Variants in B9D1 observed in about 807,000 individuals in gnomAD.
B9D1 encodes B9 domain containing 1.
A neutral mutation model predicts 26.1 loss-of-function variants in B9D1; 20 were observed. The observed-to-expected ratio is 0.77, with a 90% CI of 0.54 to 1.12. The LOEUF is 1.12. Among genes scored for constraint, B9D1 ranks in the 50% most tolerant of loss-of-function variants. B9D1 has a pLI of 0.00. For synonymous variants in B9D1, 105 were observed against 103.1 expected, an observed-to-expected ratio of 1.02 and a Z score of -0.11; for missense variants, 260 against 273.7, an observed-to-expected ratio of 0.95 and a Z score of 0.35.
At position 19,347,165 on chromosome 17, in the gene B9D1, C is replaced by T; in HGVS notation, c.404+104G>A. ...TATTTGTCCTCAGTGGGTGGAGCAG[C>T]TTGCAGATCTGAGGAGGCGACCAGG... On this transcript the variant is annotated intron_variant, in intron 5 of 6. Coordinates refer to ENST00000261499, the MANE Select transcript of B9D1 (RefSeq NM_015681.6). This position sits in a 1 kb window ranked among gnomAD's most constrained non-coding sequence, Gnocchi z 4.3. 1 of 1,613,074 alleles carries T rather than the reference C, an allele frequency of 6.2e-7. No individual in the cohort carries two copies. The highest frequency in any genetic ancestry group is 8.5e-7 in the Non-Finnish European group (1 of 1,179,438).
chr17:19,338,219 A>G (rs1051602213), downstream of B9D1, among the ~76,000 whole-genome samples: 2 of 152,262 alleles, frequency 1.3e-5, no homozygotes, highest in Admixed American at 6.5e-5. Flanking sequence ...GCTGCCGCAC[A>G]GACTGAGGTC....
At chr17:19,337,008 C>T (rs1013279743), downstream of B9D1, among the ~76,000 whole-genome samples, 2 of 152,210 alleles carry the variant, frequency 1.3e-5, no homozygotes, top group African/African-American at 4.8e-5. Context: ...TTAATGCGGC[C>T]TTGTCACTGG....
intron 1 of B9D1, among the ~76,000 whole-genome samples, chr17:19,368,577 A>G (rs996559956): frequency 1.3e-5 from 2 of 152,188 alleles, no homozygotes; most frequent in African/African-American, 4.8e-5. Flanking sequence ...ACATGATTGG[A>G]GTCCAGTTTA....
At chr17:19,362,761 G>A (rs962392142), upstream of B9D1, 7 of 1,492,202 alleles carry the variant, frequency 4.7e-6, no homozygotes, top group Admixed American at 2.0e-5. Context: ...AAGGGGGCGG[G>A]GCACAAGGGG....
intron 1 of B9D1, among the ~76,000 whole-genome samples, chr17:19,361,273 A>G (rs1045778403): frequency 1.2e-4 from 19 of 152,164 alleles, no homozygotes; most frequent in African/African-American, 3.9e-4. Flanking sequence ...CAATAAATGT[A>G]ATGTCCCCAA....
rs1598102733 is a variant in B9D1 at position 19,370,975 on chromosome 17, A to G, written c.-298+6884T>C. Among the ~76,000 whole-genome samples the G allele has an allele frequency of 6.6e-6, 1 of 152,260 alleles. No homozygotes were observed. Among genetic ancestry groups the G allele is most frequent in the South Asian group, 2.1e-4 (1 of 4,828 alleles). ...AAGCCCAGCCTGCCCATCAAGCCCC[A>G]CTGCTTTCCACTGCTTTGGTGCCTT... On this transcript the variant is annotated intron_variant, in intron 1 of 5. Coordinates refer to the B9D1 transcript ENST00000477478. This position sits in a 1 kb window ranked among gnomAD's most constrained non-coding sequence, Gnocchi z 5.1.
downstream of B9D1, among the ~76,000 whole-genome samples, chr17:19,337,356 C>T (rs530546286): frequency 1.1e-4 from 17 of 152,258 alleles, no homozygotes; most frequent in South Asian, 2.1e-4. Context: ...GCTCTGGTCA[C>T]GGGAAGAGGC....
rs1384447501 is a variant in B9D1 at position 19,372,559 on chromosome 17, C to T, written c.-298+5300G>A. Among the ~76,000 whole-genome samples, 7 of 152,174 alleles carry T rather than the reference C, an allele frequency of 4.6e-5. No homozygotes were observed. The highest frequency in any genetic ancestry group is 6.5e-5 in the Admixed American group (1 of 15,276). On this transcript the variant is annotated intron_variant, in intron 1 of 5. Transcript: ENST00000477478. This position sits in a 1 kb window ranked among gnomAD's most constrained non-coding sequence, Gnocchi z 4.4. ...ACATGTCACTTCCAGGGCCCCTTCCCGACTTCCTGTGCTGGGCAAAGGGCC... is the reference window on the plus strand; with the variant it reads ...ACATGTCACTTCCAGGGCCCCTTCCTGACTTCCTGTGCTGGGCAAAGGGCC...
Position 19,362,707 on chromosome 17 carries a change from G to C in B9D1, c.-138C>G, listed in dbSNP as rs750393249. On this transcript the variant is annotated 5_prime_UTR_variant, in exon 1 of 7. Transcript: ENST00000261499. ...CGACACCTTCGCGAAGGCCACGCGAGTGCGCGTGTGGCATGCGCAGGCGCA... is the reference window on the plus strand; with the variant it reads ...CGACACCTTCGCGAAGGCCACGCGACTGCGCGTGTGGCATGCGCAGGCGCA... 15 of 1,530,416 alleles carry C rather than the reference G, an allele frequency of 9.8e-6. No individual in the cohort carries two copies. In the South Asian group the frequency reaches 1.3e-4, roughly 13 times the overall value. 94.8% of individuals were successfully genotyped at this position (1,530,416 alleles called of 1,614,324 possible).
intron 3 of B9D1, among the ~76,000 whole-genome samples, chr17:19,353,330 T>A (rs1040526297): frequency 2.6e-5 from 4 of 152,084 alleles, no homozygotes; most frequent in African/African-American, 9.7e-5. Flanking sequence ...TTTTCTTCTC[T>A]AACATGCATT....
chr17:19,375,968 A>G (rs1226480186), intron 1 of B9D1, among the ~76,000 whole-genome samples: 1 of 152,266 alleles, frequency 6.6e-6, no homozygotes, highest in Admixed American at 6.5e-5. Context: ...ATAATAGCCA[A>G]AAAGTTGAAA....
At chr17:19,338,972 AGAC>A (rs1277176992), downstream of B9D1, among the ~76,000 whole-genome samples, 1 of 152,236 alleles carries the variant, frequency 6.6e-6, no homozygotes, top group Non-Finnish European at 1.5e-5. Flanking sequence ...ATTCTTTCCT[AGAC>A]ATAAGCTGCC....
intron 1 of B9D1, chr17:19,377,680 T>C (rs1298920907): frequency 1.3e-5 from 3 of 222,908 alleles, no homozygotes; most frequent in Non-Finnish European, 2.3e-5. Flanking sequence ...ATTTGCTACA[T>C]GAATGAACGA....
intron 3 of B9D1, among the ~76,000 whole-genome samples, chr17:19,353,938 CT>C (rs1320556069): frequency 6.6e-6 from 1 of 152,018 alleles, no homozygotes; most frequent in Non-Finnish European, 1.5e-5. Flanking sequence ...AAAACTCTGT[CT>C]CAAAAAATTA....
chr17:19,346,796 C>T, intron 5 of B9D1: 1 of 807,436 alleles, frequency 1.2e-6, no homozygotes, highest in Non-Finnish European at 1.7e-6. Flanking sequence ...CTCTCCTCAG[C>T]CTGGCAGGCA....
At chr17:19,369,379 G>C (rs889817829) in intron 1 of B9D1, among the ~76,000 whole-genome samples, 3 of 152,182 alleles carry the variant, frequency 2.0e-5, no homozygotes, top group Non-Finnish European at 4.4e-5. Flanking sequence ...GGTAGCTTGC[G>C]ATCAGCCACG....
upstream of B9D1, among the ~76,000 whole-genome samples, chr17:19,367,220 C>T (rs756585411): frequency 2.6e-5 from 4 of 152,066 alleles, no homozygotes; most frequent in Non-Finnish European, 1.5e-5. Context: ...GAGATGGAGC[C>T]GCTTTGGCCT....
intron 3 of B9D1, among the ~76,000 whole-genome samples, chr17:19,354,683 C>T (rs1910087634): frequency 6.6e-6 from 1 of 151,940 alleles, no homozygotes; most frequent in Non-Finnish European, 1.5e-5. Flanking sequence ...CAAAAATTAG[C>T]CAGGCATGGT....
chr17:19,336,677 TA>T (rs1907476410), downstream of B9D1: 2 of 152,636 alleles, frequency 1.3e-5, no homozygotes, highest in African/African-American at 4.8e-5. Flanking sequence ...TGTTGATACT[TA>T]TTTACTGTAT....
Sources: allele counts gnomAD v4.1 joint callset (sites outside exome capture counted in the v4.1 genomes callset), GRCh38; gene constraint gnomAD v4.1.1; non-coding constraint Gnocchi (gnomAD v3.1); transcripts MANE v1.5; gene names NCBI Gene and HGNC (gene_info 2026-07-23, HGNC 2026-07-21).